Variants in NCAPH observed in about 807,000 individuals in gnomAD.
The protein encoded by NCAPH is non-SMC condensin I complex subunit H.
In NCAPH, 38 loss-of-function variants were observed where a neutral mutation model predicts 85.5. The ratio of observed to expected loss-of-function variants is 0.44; its 90% confidence interval spans 0.34 to 0.58. The LOEUF is 0.58. Ranked by LOEUF, NCAPH falls within the 20% of genes least tolerant of loss-of-function variation. NCAPH has a pLI of 0.01. For missense variants in NCAPH, 789 were observed against 916.6 expected (o/e 0.86, Z 1.80); for synonymous variants, 301 against 335.1 (o/e 0.90, Z 1.11).
At chr2:96,351,688 A>C in intron 6 of NCAPH, 143 bp from the exon 7 acceptor site, 1 of 680,566 alleles carries the variant, frequency 1.5e-6, no homozygotes, top group East Asian at 3.1e-5. Context: ...AAAAAAAACA[A>C]AAACAAACCA....
intron 11 of NCAPH, 61 bp from the exon 12 acceptor site, chr2:96,360,527 A>G: frequency 6.3e-7 from 1 of 1,591,862 alleles, no homozygotes; most frequent in Non-Finnish European, 8.6e-7. Context: ...GCTTTAAAAA[A>G]AGTAAGATGT....
chr2:96,340,902 C>G (rs2064285754), intron 1 of NCAPH, among the ~76,000 whole-genome samples: 1 of 151,764 alleles, frequency 6.6e-6, no homozygotes. Context: ...GTTCCTTGAC[C>G]CCTTGTATTT....
At chr2:96,361,199 C>G (rs1298155819) in intron 12 of NCAPH, among the ~76,000 whole-genome samples, 3 of 151,768 alleles carry the variant, frequency 2.0e-5, no homozygotes, top group Admixed American at 2.0e-4. Context: ...CAGGTGCCTG[C>G]CACCATACCC....
rs2064839508 is a variant in NCAPH, at chr2:96,377,025, C to T, written c.*3674C>T. Among the ~76,000 whole-genome samples the T allele has an allele frequency of 6.6e-6, 1 of 151,610 alleles. No homozygotes were observed. The highest frequency in any genetic ancestry group is 2.4e-5 in the African/African-American group (1 of 41,208). ...CTGTATCAAAATATCTCATGTACCC[C>T]ATAAATATATGCACCTACTATGTAC... On this transcript the variant is annotated 3_prime_UTR_variant, in exon 18 of 18. Transcript: ENST00000240423.
chr2:96,350,497 GA>G (rs935882282), intron 6 of NCAPH, among the ~76,000 whole-genome samples: 6 of 151,622 alleles, frequency 4.0e-5, no homozygotes, highest in African/African-American at 1.2e-4. Context: ...TTAGGATGGG[GA>G]AAAAAAATAG....
chr2:96,368,879 G>T (rs2064734361), intron 15 of NCAPH, 93 bp from the exon 16 acceptor site: 2 of 1,117,328 alleles, frequency 1.8e-6, no homozygotes, highest in South Asian at 3.0e-5. Context: ...TTTTGTTTAG[G>T]TATAGACTTT....
At chr2:96,364,344 T>C (rs1221583488) in intron 12 of NCAPH, 137 bp from the exon 13 acceptor site, 1 of 586,232 alleles carries the variant, frequency 1.7e-6, no homozygotes, top group East Asian at 3.0e-5. Flanking sequence ...TAGACTTAGA[T>C]GACTTGTGAG....
intron 1 of NCAPH, chr2:96,341,429 C>G (rs2064292661): frequency 1.6e-5 from 9 of 563,494 alleles, no homozygotes; most frequent in East Asian, 1.5e-4. Flanking sequence ...GATATTTGTC[C>G]CAGATTAACA....
At chr2:96,349,706 T>C (rs1323838901) in intron 6 of NCAPH, among the ~76,000 whole-genome samples, 1 of 152,200 alleles carries the variant, frequency 6.6e-6, no homozygotes, top group Non-Finnish European at 1.5e-5. Context: ...AATGTGTGGG[T>C]GTGTCTAGAC....
At chr2:96,360,974 G>A (rs553071983) in intron 12 of NCAPH, among the ~76,000 whole-genome samples, 31 of 151,078 alleles carry the variant, frequency 2.1e-4, no homozygotes, top group African/African-American at 6.3e-4. Flanking sequence ...CAGGGGGGCA[G>A]TGAGTGTAGT....
At chr2:96,368,132 A>G (rs2064724534) in intron 15 of NCAPH, among the ~76,000 whole-genome samples, 1 of 152,330 alleles carries the variant, frequency 6.6e-6, no homozygotes, top group East Asian at 1.9e-4. Context: ...CTGCTCAGAT[A>G]ATATTCTGAG....
chr2:96,336,586 G>A (rs1272298058), intron 1 of NCAPH, among the ~76,000 whole-genome samples: 1 of 152,190 alleles, frequency 6.6e-6, no homozygotes, highest in Non-Finnish European at 1.5e-5. Flanking sequence ...GGGTCTGGAG[G>A]CCTTGGGTAA....
chr2:96,361,069 CAG>C (rs2064601748), intron 12 of NCAPH, among the ~76,000 whole-genome samples: 1 of 58,016 alleles, frequency 1.7e-5, no homozygotes. Context: ...TTTTTTTTGA[CAG>C]AGTTTCGCTC....
intron 4 of NCAPH, 56 bp downstream of exon 4, chr2:96,342,904 T>C: frequency 6.8e-7 from 1 of 1,461,204 alleles, no homozygotes; most frequent in Non-Finnish European, 9.6e-7. Context: ...TGATTTCTAC[T>C]ACTTGGCATA....
In NCAPH at chr2:96,373,537, C is replaced by T. The variant is rs140651531; in HGVS notation, c.*186C>T. 3.4e-4 allele frequency: 200 copies of T among 582,456 alleles called. No homozygotes were observed. The highest frequency in any genetic ancestry group is 3.1e-3 in the African/African-American group (165 of 53,560). 36.1% of individuals were successfully genotyped at this position (582,456 alleles called of 1,614,324 possible). Reference sequence around the variant, plus strand: ...TCTGGGTGCCAGCGCCCTGAAGCTCCGTGCTCAACTGATTAAACTTTACTG... The same window carrying T: ...TCTGGGTGCCAGCGCCCTGAAGCTCTGTGCTCAACTGATTAAACTTTACTG... On this transcript the variant is annotated 3_prime_UTR_variant, in exon 18 of 18. Transcript: ENST00000240423.
Position 96,377,015 on chromosome 2 carries a change from T to G in NCAPH, c.*3664T>G, listed in dbSNP as rs750261699. On this transcript the variant is annotated 3_prime_UTR_variant, in exon 18 of 18. Transcript: ENST00000240423. ...CATTGCATGCCTGTATCAAAATATC[T>G]CATGTACCCCATAAATATATGCACC... Among the ~76,000 whole-genome samples the G allele has an allele frequency of 3.3e-5, 5 of 152,036 alleles. No homozygotes were observed. The highest frequency in any genetic ancestry group is 6.6e-5 in the Admixed American group (1 of 15,256).
Position 96,374,797 on chromosome 2 carries a change from C to T in NCAPH, c.*1446C>T, listed in dbSNP as rs762253904. 2.0e-5 allele frequency among the ~76,000 whole-genome samples: 3 copies of T among 152,180 alleles called. No individual in the cohort carries two copies. The highest frequency in any genetic ancestry group is 7.2e-5 in the African/African-American group (3 of 41,450). On this transcript the variant is annotated 3_prime_UTR_variant, in exon 18 of 18. Transcript: ENST00000240423. ...TTTCCCAGGCCAGGTTAGTGCTGGG[C>T]TTCTTGCTTTCCTTCTATTCCTGAG...
Position 96,369,499 on chromosome 2 carries a change from A to C in NCAPH, c.2165A>C (p.Lys722Thr). ...FACLLHLANE[K>T]NLKLEGTEDL... ...TGTCTCCTACATTTAGCCAATGAAA[A>C]GGTAGGTAATTAAGGTAAGCATGGG... The change falls in exon 17 of 18, where the codon AAG becomes ACG. Residue 722 changes from lysine (K) to threonine (T), a missense_variant and splice_region_variant. Coordinates refer to ENST00000240423, the MANE Select transcript of NCAPH (RefSeq NM_015341.5). The C allele has an allele frequency of 6.2e-7, 1 of 1,613,326 alleles. No individual in the cohort carries two copies. The highest frequency in any genetic ancestry group is 8.5e-7 in the Non-Finnish European group (1 of 1,179,304).
chr2:96,349,486 A>G lies in NCAPH; in HGVS notation c.721-2345A>G, dbSNP rs148806614. Among the ~76,000 whole-genome samples the G allele has an allele frequency of 1.6e-4, 24 of 152,068 alleles. No homozygotes were observed. In the East Asian group the frequency reaches 4.1e-3, roughly 26 times the overall value. Reference sequence around the variant, plus strand: ...AACCTCCACCTCCTGGGTTCAAGCAATTCTCCTGCTTCAGCCACCCAAGTA... The same window carrying G: ...AACCTCCACCTCCTGGGTTCAAGCAGTTCTCCTGCTTCAGCCACCCAAGTA... On this transcript the variant is annotated intron_variant, in intron 6 of 17. Coordinates refer to ENST00000240423, the MANE Select transcript of NCAPH (RefSeq NM_015341.5).
Sources: allele counts gnomAD v4.1 joint callset (sites outside exome capture counted in the v4.1 genomes callset), GRCh38; gene constraint gnomAD v4.1.1; transcripts MANE v1.5; gene names NCBI Gene and HGNC (gene_info 2026-07-23, HGNC 2026-07-21).